CBFA2T3: variants seen among roughly 807,000 people sequenced by gnomAD.
CBFA2T3 encodes the protein transcriptional corepressor CBFA2T3.
In CBFA2T3, 31 loss-of-function variants were observed where a neutral mutation model predicts 58.6. The observed-to-expected ratio is 0.53, with a 90% confidence interval of 0.40 to 0.71. The LOEUF is 0.71. CBFA2T3 is among the 30% of genes least tolerant of loss of function. The pLI is 0.00. For missense variants in CBFA2T3, 1,076 were observed against 963.1 expected (o/e 1.12, Z -1.55); for synonymous variants, 531 against 421.9 (o/e 1.26, Z -3.17).
At chr16:88,964,602 C>T (rs573043850) in intron 1 of CBFA2T3, among the ~76,000 whole-genome samples, 7 of 152,198 alleles carry the variant, frequency 4.6e-5, no homozygotes, top group African/African-American at 9.7e-5. Context: ...GCTCCCTCAT[C>T]GCGGAATAAT....
intron 1 of CBFA2T3, among the ~76,000 whole-genome samples, chr16:88,906,550 T>C (rs1970342530): frequency 6.6e-6 from 1 of 152,184 alleles, no homozygotes. Context: ...CCTGGTGCAA[T>C]GGCCCTGAGG....
intron 1 of CBFA2T3, among the ~76,000 whole-genome samples, chr16:88,972,268 C>T (rs952060239): frequency 1.6e-4 from 25 of 152,128 alleles, no homozygotes; most frequent in Non-Finnish European, 5.9e-5. Flanking sequence ...CTGCACCTGG[C>T]AGTGAGGACG....
chr16:88,890,075 C>T (rs972673832), intron 5 of CBFA2T3, among the ~76,000 whole-genome samples: 3 of 151,060 alleles, frequency 2.0e-5, no homozygotes, highest in African/African-American at 4.9e-5. Flanking sequence ...GACGATGCCC[C>T]GCGATTCCTC....
chr16:88,929,823 A>C (rs182608669), intron 1 of CBFA2T3, among the ~76,000 whole-genome samples: 76 of 150,566 alleles, frequency 5.0e-4, no homozygotes, highest in East Asian at 1.4e-3. Flanking sequence ...AAAAGCTACC[A>C]ATACCCACAG....
chr16:88,911,701 G>A (rs1374757344), intron 1 of CBFA2T3, among the ~76,000 whole-genome samples: 5 of 152,262 alleles, frequency 3.3e-5, no homozygotes, highest in Non-Finnish European at 5.9e-5. Flanking sequence ...CTGGCCGCTC[G>A]CCCTGGCCAC....
At chr16:88,961,950 C>A in intron 1 of CBFA2T3, among the ~76,000 whole-genome samples, 1 of 149,170 alleles carries the variant, frequency 6.7e-6, no homozygotes, top group South Asian at 2.2e-4. Flanking sequence ...CGACACTCAG[C>A]GCTGGGCATT....
chr16:88,890,057 A>T (rs1224321681), intron 5 of CBFA2T3, among the ~76,000 whole-genome samples: 1 of 136,878 alleles, frequency 7.3e-6, no homozygotes, highest in Non-Finnish European at 1.6e-5. Flanking sequence ...GGACGTTTCA[A>T]ATCCCTGGAC....
rs1969653003 is a variant in CBFA2T3 at position 88,892,042 on chromosome 16, T to A, written c.622-71A>T. The A allele has an allele frequency of 2.1e-6, 3 of 1,428,076 alleles. No individual in the cohort carries two copies. The Admixed American group carries it at 5.3e-5, about 25-fold the overall frequency. 88.5% of individuals were successfully genotyped at this position (1,428,076 alleles called of 1,614,324 possible). A position where few individuals can be genotyped will look rare whatever the true frequency, so the allele number is the denominator to read the frequency against. ...GAGCCAGCGCCGACCCACCCATGCCTGAGGAGGAGGCTTCCGTGTTGGAGG... is the reference window on the plus strand; with the variant it reads ...GAGCCAGCGCCGACCCACCCATGCCAGAGGAGGAGGCTTCCGTGTTGGAGG... On this transcript the variant is annotated intron_variant, in intron 4 of 11. Transcript: ENST00000268679.
At chr16:88,877,738 T>C (rs1280866542) in intron 11 of CBFA2T3, among the ~76,000 whole-genome samples, 1 of 151,940 alleles carries the variant, frequency 6.6e-6, no homozygotes, top group African/African-American at 2.4e-5. Context: ...TGGTGGGCTC[T>C]GCTCCCTTCC....
chr16:88,929,523 A>C (rs925085374), intron 1 of CBFA2T3, among the ~76,000 whole-genome samples: 2 of 151,728 alleles, frequency 1.3e-5, no homozygotes, highest in African/African-American at 4.9e-5. Flanking sequence ...ATTCATCCAC[A>C]CAAAAGCTAC....
At chr16:88,884,135 G>C (rs867557531) in intron 7 of CBFA2T3, 3 of 152,374 alleles carry the variant, frequency 2.0e-5, no homozygotes, top group Middle Eastern at 3.4e-3. Context: ...TAGCAGAATC[G>C]GGTGGGAGTC....
intron 1 of CBFA2T3, among the ~76,000 whole-genome samples, chr16:88,933,862 C>T (rs1971395209): frequency 6.6e-6 from 1 of 152,084 alleles, no homozygotes; most frequent in Non-Finnish European, 1.5e-5. Flanking sequence ...CTGTGCAGTA[C>T]AGCAGCCGCA....
intron 1 of CBFA2T3, chr16:88,938,994 C>G (rs908537938): frequency 6.6e-6 from 1 of 152,212 alleles, no homozygotes; most frequent in African/African-American, 2.4e-5. Context: ...AGGCCCGGCC[C>G]TCCCCACTGC....
At chr16:88,904,854 T>C (rs1248245761) in intron 1 of CBFA2T3, among the ~76,000 whole-genome samples, 1 of 152,112 alleles carries the variant, frequency 6.6e-6, no homozygotes, top group African/African-American at 2.4e-5. Context: ...CCTTCCTCTG[T>C]ACATGTGGAG....
At chr16:88,923,253 C>G (rs1237470710) in intron 1 of CBFA2T3, among the ~76,000 whole-genome samples, 1 of 152,246 alleles carries the variant, frequency 6.6e-6, no homozygotes, top group Non-Finnish European at 1.5e-5. Flanking sequence ...AGCGTTCTCC[C>G]TGTGAAACGG....
chr16:88,894,833 G>A (rs1306982052), intron 3 of CBFA2T3, among the ~76,000 whole-genome samples: 2 of 152,268 alleles, frequency 1.3e-5, no homozygotes, highest in African/African-American at 2.4e-5. Flanking sequence ...GGGCCTGTGT[G>A]CGCCGAGGAG....
At chr16:88,888,231 C>T (rs1439805970) in intron 5 of CBFA2T3, among the ~76,000 whole-genome samples, 1 of 151,438 alleles carries the variant, frequency 6.6e-6, no homozygotes, top group Non-Finnish European at 1.5e-5. Flanking sequence ...CGATTCCTGC[C>T]GTTTCTAGGA....
chr16:88,935,251 T>C (rs1250129605), intron 1 of CBFA2T3, among the ~76,000 whole-genome samples: 1 of 152,178 alleles, frequency 6.6e-6, no homozygotes, highest in African/African-American at 2.4e-5. Context: ...AAGGGCCCCA[T>C]GTCCACTGCG....
chr16:88,932,521 C>A (rs1971346216), intron 1 of CBFA2T3, among the ~76,000 whole-genome samples: 1 of 151,906 alleles, frequency 6.6e-6, no homozygotes, highest in African/African-American at 2.4e-5. Context: ...GTGGTGAACA[C>A]CCATAGTCCC....
Sources: allele counts gnomAD v4.1 joint callset (sites outside exome capture counted in the v4.1 genomes callset), GRCh38; gene constraint gnomAD v4.1.1; transcripts MANE v1.5; gene names NCBI Gene and HGNC (gene_info 2026-07-23, HGNC 2026-07-21).